The following PPARD variants were observed in gnomAD, a reference collection of about 807,000 sequenced individuals.
PPARD encodes the protein peroxisome proliferator activated receptor delta.
A neutral mutation model predicts 39.5 loss-of-function variants in PPARD; 6 were observed. The observed-to-expected ratio is 0.15, with a 90% CI of 0.08 to 0.30. PPARD has a LOEUF of 0.30. PPARD is among the 10% of genes least tolerant of loss of function. PPARD has a pLI of 1.00. For synonymous variants in PPARD, 210 were observed against 231.3 expected, an observed-to-expected ratio of 0.91 and a Z score of 0.83; for missense variants, 397 against 596.8, an observed-to-expected ratio of 0.67 and a Z score of 3.49.
At chr6:35,374,644 C>T (rs370240397) in intron 2 of PPARD, among the ~76,000 whole-genome samples, 4 of 139,640 alleles carry the variant, frequency 2.9e-5, no homozygotes, top group Admixed American at 1.5e-4. Flanking sequence ...GGCGACAGAG[C>T]GAGACTCTGT....
intron 2 of PPARD, among the ~76,000 whole-genome samples, chr6:35,402,825 T>C (rs560498118): frequency 6.6e-6 from 1 of 152,260 alleles, no homozygotes; most frequent in Non-Finnish European, 1.5e-5. Flanking sequence ...AGGTCAGCAC[T>C]TGGATTAATG....
intron 2 of PPARD, among the ~76,000 whole-genome samples, chr6:35,348,096 CG>C (rs1760991980): frequency 6.8e-6 from 1 of 147,208 alleles, no homozygotes; most frequent in South Asian, 2.2e-4. Context: ...TTAGTAGAGA[CG>C]GGGTTTCACC....
intron 2 of PPARD, among the ~76,000 whole-genome samples, chr6:35,382,344 C>CAG (rs1562191832): frequency 6.6e-6 from 1 of 152,202 alleles, no homozygotes; most frequent in African/African-American, 2.4e-5. Flanking sequence ...CTGGCATCAC[C>CAG]TATACTGTGC....
At chr6:35,343,043 C>A (rs1212717072) in intron 1 of PPARD, among the ~76,000 whole-genome samples, 1 of 152,194 alleles carries the variant, frequency 6.6e-6, no homozygotes, top group East Asian at 1.9e-4. Flanking sequence ...CCGGGGGCCT[C>A]TCCCATTCCC....
intron 2 of PPARD, among the ~76,000 whole-genome samples, chr6:35,355,595 CTTCTTTTTTTT>C (rs1761545826): frequency 2.0e-5 from 1 of 50,444 alleles, no homozygotes; most frequent in African/African-American, 7.2e-5. Flanking sequence ...TCTTCTTCTT[CTTCTTTTTTTT>C]TTTTTTTTTT....
intron 2 of PPARD, among the ~76,000 whole-genome samples, chr6:35,373,862 G>A (rs1279621127): frequency 6.6e-6 from 1 of 151,978 alleles, no homozygotes; most frequent in African/African-American, 2.4e-5. Flanking sequence ...GTAGAAATGG[G>A]ATTTCACCAT....
intron 2 of PPARD, among the ~76,000 whole-genome samples, chr6:35,352,699 G>A (rs1023118320): frequency 8.5e-5 from 13 of 152,144 alleles, no homozygotes; most frequent in African/African-American, 3.1e-4. Flanking sequence ...CAGCTGGGCT[G>A]GGTGTCCACG....
chr6:35,358,271 C>T (rs763129050), intron 2 of PPARD, among the ~76,000 whole-genome samples: 3 of 152,144 alleles, frequency 2.0e-5, no homozygotes, highest in Non-Finnish European at 2.9e-5. Context: ...ATGCAACGAA[C>T]GTAGCTTTGG....
chr6:35,369,434 C>G (rs1185031207), intron 2 of PPARD, among the ~76,000 whole-genome samples: 4 of 152,210 alleles, frequency 2.6e-5, no homozygotes, highest in Non-Finnish European at 5.9e-5. Context: ...ATCTTATAAT[C>G]CATTAGCGTG....
intron 2 of PPARD, among the ~76,000 whole-genome samples, chr6:35,370,143 T>C (rs1762404654): frequency 1.3e-5 from 2 of 152,320 alleles, no homozygotes; most frequent in East Asian, 1.9e-4. Flanking sequence ...CTCTGACCTG[T>C]CAACCAGTTA....
At position 35,366,784 on chromosome 6, in the gene PPARD, A is replaced by G. The variant is rs889360821; in HGVS notation, c.-102+19634A>G. 2.0e-5 allele frequency among the ~76,000 whole-genome samples: 3 copies of G among 152,154 alleles called. No individual in the cohort carries two copies. Among genetic ancestry groups the G allele is most frequent in the African/African-American group, 7.2e-5 (3 of 41,408 alleles). ...AGGCTGGTCTTGAACTCCTGGCCTC[A>G]AGTAATCCACCCACTTTGGCCTCCC... On this transcript the variant is annotated intron_variant, in intron 2 of 7. Transcript: ENST00000360694. This position sits in a 1 kb window ranked among gnomAD's most constrained non-coding sequence, Gnocchi z 4.6.
intron 2 of PPARD, among the ~76,000 whole-genome samples, chr6:35,395,780 G>T (rs923985306): frequency 6.6e-6 from 1 of 152,194 alleles, no homozygotes; most frequent in Non-Finnish European, 1.5e-5. Context: ...AAGAGCTCCT[G>T]CTCTGATGGC....
intron 2 of PPARD, among the ~76,000 whole-genome samples, chr6:35,393,709 T>C (rs1231970486): frequency 6.6e-6 from 1 of 152,168 alleles, no homozygotes; most frequent in Admixed American, 6.5e-5. Flanking sequence ...GCTTAAGAAG[T>C]CTTTCTGGGC....
chr6:35,377,057 C>G (rs1313949858), intron 2 of PPARD, among the ~76,000 whole-genome samples: 15 of 151,936 alleles, frequency 9.9e-5, no homozygotes, highest in Non-Finnish European at 2.2e-4. Flanking sequence ...CCACCCATAC[C>G]TGACCCACAG....
intron 2 of PPARD, among the ~76,000 whole-genome samples, chr6:35,359,471 CTG>C (rs1761809942): frequency 6.6e-6 from 1 of 152,144 alleles, no homozygotes; most frequent in Admixed American, 6.5e-5. Flanking sequence ...TGGCATGGCA[CTG>C]TGTATCTAGC....
chr6:35,415,077 C>A (rs1454913562), intron 3 of PPARD, among the ~76,000 whole-genome samples: 1 of 152,196 alleles, frequency 6.6e-6, no homozygotes, highest in South Asian at 2.1e-4. Context: ...TCCCAATCAC[C>A]CTTGAGAAAG....
intron 2 of PPARD, among the ~76,000 whole-genome samples, chr6:35,374,448 G>A (rs567326551): frequency 1.3e-5 from 2 of 152,046 alleles, no homozygotes; most frequent in South Asian, 4.2e-4. Context: ...ACAAGGTCAG[G>A]AGATTGAGAC....
At chr6:35,380,459 GTTTTTTTTTTTTGTTTGTTTT>G (rs1355404784) in intron 2 of PPARD, among the ~76,000 whole-genome samples, 8 of 97,156 alleles carry the variant, frequency 8.2e-5, no homozygotes, top group African/African-American at 2.0e-4. Flanking sequence ...TTAACCTCGT[GTTTTTTTTTTTTGTTTGTTTT>G]TTTTTTTTTT....
chr6:35,359,941 C>T (rs1761840695), intron 2 of PPARD, among the ~76,000 whole-genome samples: 1 of 152,006 alleles, frequency 6.6e-6, no homozygotes, highest in South Asian at 2.1e-4. Context: ...CATAGCAGGG[C>T]CTTCTAGGAA....
Sources: gnomAD v4.1 joint callset for allele counts (sites outside exome capture counted in the v4.1 genomes callset) on GRCh38, gnomAD v4.1.1 for gene constraint, Gnocchi (gnomAD v3.1) non-coding constraint, MANE v1.5 for transcripts, NCBI Gene and HGNC (gene_info 2026-07-23, HGNC 2026-07-21) for gene names.